Variants in ASIC2 observed in about 807,000 individuals in gnomAD.
ASIC2 encodes the protein acid sensing ion channel subunit 2, also known as acid-sensing ion channel 2.
A neutral mutation model predicts 57.3 loss-of-function variants in ASIC2; 25 were observed. That is an observed-to-expected ratio of 0.44 (90% CI 0.32 to 0.61). The LOEUF (loss-of-function observed/expected upper bound fraction) is 0.61, where lower values mean the gene tolerates loss of function less well. ASIC2 is among the 20% of genes least tolerant of loss of function. The probability of loss-of-function intolerance (pLI) is 0.06; values close to 1 mark genes in which losing one functional copy is unlikely to be tolerated. For synonymous variants in ASIC2, 319 were observed against 307.5 expected, an observed-to-expected ratio of 1.04 and a Z score of -0.39; for missense variants, 641 against 738.1, an observed-to-expected ratio of 0.87 and a Z score of 1.52.
chr17:33,345,048 C>G (rs763326695), intron 1 of ASIC2, among the ~76,000 whole-genome samples: 7 of 152,080 alleles, frequency 4.6e-5, no homozygotes, highest in Non-Finnish European at 1.0e-4. Context: ...ACCACTGGAA[C>G]TCCTGACTAC....
At chr17:33,969,793 A>C (rs1905174004) in intron 1 of ASIC2, among the ~76,000 whole-genome samples, 1 of 152,112 alleles carries the variant, frequency 6.6e-6, no homozygotes, top group Non-Finnish European at 1.5e-5. Flanking sequence ...AGAAGTGGAG[A>C]GTCCCAGGTG....
Position 33,037,828 on chromosome 17 carries a change from T to C in ASIC2, c.988-9436A>G, listed in dbSNP as rs181008379. On this transcript the variant is annotated intron_variant, in intron 3 of 9. Coordinates refer to ENST00000225823, the MANE Select transcript of ASIC2 (RefSeq NM_183377.2). Reference sequence around the variant, plus strand: ...CATAAGGAAGAACTTTCTAATCCACTGGTATAATTCAATAATAAAATCACT... The same window carrying C: ...CATAAGGAAGAACTTTCTAATCCACCGGTATAATTCAATAATAAAATCACT... Among the ~76,000 whole-genome samples the C allele has an allele frequency of 5.6e-4, 85 of 152,292 alleles. No individual in the cohort carries two copies. The East Asian group carries it at 0.014, about 26-fold the overall frequency.
In ASIC2 at chr17:33,672,347, T is replaced by C. The variant is rs533232192; in HGVS notation, c.555+483631A>G. 7.2e-5 allele frequency among the ~76,000 whole-genome samples: 11 copies of C among 152,124 alleles called. No homozygotes were observed. The East Asian group carries it at 1.6e-3, about 21-fold the overall frequency. On this transcript the variant is annotated intron_variant, in intron 1 of 9. Transcript: ENST00000359872. ...TACCCACCCCCTCCCATACCTACCT[T>C]TCCTACCACACACAAGAGCTGAAAT...
intron 1 of ASIC2, among the ~76,000 whole-genome samples, chr17:34,043,190 G>A (rs1043863166): frequency 6.6e-5 from 10 of 152,130 alleles, no homozygotes; most frequent in African/African-American, 1.4e-4. Flanking sequence ...CTGGTGATGC[G>A]GTATTCCCTG....
intron 1 of ASIC2, among the ~76,000 whole-genome samples, chr17:33,932,983 T>C (rs1001955832): frequency 2.6e-5 from 4 of 152,034 alleles, no homozygotes; most frequent in Admixed American, 6.6e-5. Context: ...CTCAAAACTT[T>C]CTAAATTTTG....
At chr17:33,961,446 C>T (rs1186346563) in intron 1 of ASIC2, among the ~76,000 whole-genome samples, 3 of 152,142 alleles carry the variant, frequency 2.0e-5, no homozygotes, top group Non-Finnish European at 2.9e-5. Flanking sequence ...GAGCTTATGT[C>T]CCTGGGAATT....
Position 33,021,271 on chromosome 17 carries a change from G to T in ASIC2, c.1389C>A (p.Leu463=). The change falls in exon 7 of 10, where the codon CTC becomes CTA. Residue 463 remains leucine (L), a synonymous_variant. Coordinates refer to ENST00000225823, the MANE Select transcript of ASIC2 (RefSeq NM_183377.2). ...ILVLDIFFEA[L]NYETIEQKKA... The stretch of plus-strand genomic sequence containing the variant: ...TCTTCTGTTCAATTGTCTCATAATT[G>T]AGAGCTTCAAAAAATATATCCAGAA... The T allele has an allele frequency of 6.4e-7, 1 of 1,574,194 alleles. No homozygotes were observed. The highest frequency in any genetic ancestry group is 1.1e-5 in the South Asian group (1 of 90,460).
chr17:33,773,362 C>T (rs546155503), intron 1 of ASIC2, among the ~76,000 whole-genome samples: 3 of 152,132 alleles, frequency 2.0e-5, no homozygotes, highest in Non-Finnish European at 4.4e-5. Flanking sequence ...GCCATTAAAA[C>T]CCCCAAAGGC....
intron 1 of ASIC2, among the ~76,000 whole-genome samples, chr17:33,426,297 A>T (rs934158484): frequency 6.6e-6 from 1 of 152,188 alleles, no homozygotes; most frequent in African/African-American, 2.4e-5. Context: ...CAAAGGCCAG[A>T]TGGGAACTCA....
intron 1 of ASIC2, among the ~76,000 whole-genome samples, chr17:33,635,455 G>T (rs1906327761): frequency 6.6e-6 from 1 of 152,202 alleles, no homozygotes; most frequent in South Asian, 2.1e-4. Flanking sequence ...AGGTTGGCTG[G>T]TCTATTTCCC....
chr17:33,527,879 A>G (rs1465697932), intron 1 of ASIC2, among the ~76,000 whole-genome samples: 1 of 152,100 alleles, frequency 6.6e-6, no homozygotes, highest in Non-Finnish European at 1.5e-5. Flanking sequence ...TCTGACTCCC[A>G]TTGGACAGAG....
intron 1 of ASIC2, among the ~76,000 whole-genome samples, chr17:33,837,590 C>T: frequency 6.6e-6 from 1 of 152,192 alleles, no homozygotes; most frequent in East Asian, 1.9e-4. Context: ...TTCCTTTCTC[C>T]TAAATGCCTC....
chr17:33,176,583 A>G (rs766240686), intron 1 of ASIC2, among the ~76,000 whole-genome samples: 34 of 152,160 alleles, frequency 2.2e-4, no homozygotes, highest in Non-Finnish European at 4.0e-4. Flanking sequence ...GGCTCAAGTG[A>G]TTCTTCCTGC....
chr17:33,356,414 A>G (rs1051955105), intron 1 of ASIC2, among the ~76,000 whole-genome samples: 1 of 152,096 alleles, frequency 6.6e-6, no homozygotes, highest in African/African-American at 2.4e-5. Flanking sequence ...AACCACCTCC[A>G]GATTCTGAGG....
chr17:33,886,473 A>G (rs1054817571), intron 1 of ASIC2, among the ~76,000 whole-genome samples: 2 of 152,206 alleles, frequency 1.3e-5, no homozygotes, highest in Admixed American at 1.3e-4. Flanking sequence ...AATCAGAAGT[A>G]TCTTACACAG....
chr17:34,037,729 A>G (rs1907944582), intron 1 of ASIC2: 1 of 1,614,176 alleles, frequency 6.2e-7, no homozygotes, highest in Non-Finnish European at 8.5e-7. Flanking sequence ...AGTAGGGATC[A>G]CAGGCCAGCT....
chr17:34,004,045 C>A (rs953317610), intron 1 of ASIC2: 1 of 152,210 alleles, frequency 6.6e-6, no homozygotes, highest in Non-Finnish European at 1.5e-5. Flanking sequence ...TCCTGAAAGA[C>A]CTCCTTCATG....
rs531422318 is a variant in ASIC2, at chr17:33,119,490, C to T, written c.709-7423G>A. ...AATGGGTTACCAGGCTTCCAGTAAA[C>T]AAAATGAACCTGGCTCTTGTTTTCT... On this transcript the variant is annotated intron_variant, in intron 1 of 9. Coordinates refer to ENST00000225823, the MANE Select transcript of ASIC2 (RefSeq NM_183377.2). Among the ~76,000 whole-genome samples the T allele has an allele frequency of 7.2e-5, 11 of 152,304 alleles. No individual in the cohort carries two copies. The East Asian group carries it at 2.1e-3, about 29-fold the overall frequency.
chr17:33,539,612 T>C (rs1015545354), intron 1 of ASIC2, among the ~76,000 whole-genome samples: 2 of 152,208 alleles, frequency 1.3e-5, no homozygotes, highest in Non-Finnish European at 2.9e-5. Flanking sequence ...CAGACACCAA[T>C]AATTAAAACC....
Sources: allele counts gnomAD v4.1 joint callset (sites outside exome capture counted in the v4.1 genomes callset), GRCh38; gene constraint gnomAD v4.1.1; transcripts MANE v1.5; gene names NCBI Gene and HGNC (gene_info 2026-07-23, HGNC 2026-07-21).